Variants in TOP1MT observed in about 807,000 individuals in gnomAD.
TOP1MT encodes the protein DNA topoisomerase I, mitochondrial.
In TOP1MT, 80 loss-of-function variants were observed where a neutral mutation model predicts 73.9. That is an observed-to-expected ratio of 1.08 (90% CI 0.90 to 1.30). TOP1MT has a LOEUF of 1.30. Ranked by LOEUF, TOP1MT falls within the 50% of genes most tolerant of loss-of-function variation. The probability of loss-of-function intolerance (pLI) is 0.00; values close to 1 mark genes in which losing one functional copy is unlikely to be tolerated. For synonymous variants in TOP1MT, 338 were observed against 326.4 expected (o/e 1.04, Z -0.38); for missense variants, 815 against 808.0 (o/e 1.01, Z -0.10).
At chr8:143,339,257 T>TCATTCAA (rs1586777983), upstream of TOP1MT, among the ~76,000 whole-genome samples, 3 of 152,318 alleles carry the variant, frequency 2.0e-5, no homozygotes, top group South Asian at 4.1e-4. Flanking sequence ...CAAAATACTG[T>TCATTCAA]CATTCAACAT....
At chr8:143,339,969 C>T (rs1461953437) in intron 2 of TOP1MT, among the ~76,000 whole-genome samples, 26 of 65,954 alleles carry the variant, frequency 3.9e-4, no homozygotes, top group Non-Finnish European at 6.2e-4. Flanking sequence ...AGCATTCCCC[C>T]GTCCCAGCAC....
At chr8:143,329,504 A>T (rs1366969502) in intron 2 of TOP1MT, 33 bp from the exon 3 acceptor site, 34 of 1,591,696 alleles carry the variant, frequency 2.1e-5, no homozygotes, top group Non-Finnish European at 2.6e-5. Context: ...CGTATGAGAG[A>T]GCGGCCAGAG....
chr8:143,328,167 T>C, intron 3 of TOP1MT: 1 of 442,530 alleles, frequency 2.3e-6, no homozygotes, highest in Non-Finnish European at 4.5e-6. Flanking sequence ...GATAATGGAC[T>C]TAAAACAGGA....
At chr8:143,330,847 C>G (rs1180633884) in intron 2 of TOP1MT, among the ~76,000 whole-genome samples, 1 of 150,048 alleles carries the variant, frequency 6.7e-6, no homozygotes, top group Non-Finnish European at 1.5e-5. Context: ...GAATCACAAG[C>G]TGGGGTCAAG....
intron 1 of TOP1MT, among the ~76,000 whole-genome samples, chr8:143,353,276 C>T (rs1322854635): frequency 1.3e-5 from 2 of 151,900 alleles, no homozygotes; most frequent in African/African-American, 2.4e-5. Context: ...ATTAGCTGGG[C>T]GTGGTGACGC....
At chr8:143,350,502 T>C (rs937214953) in intron 1 of TOP1MT, among the ~76,000 whole-genome samples, 1 of 152,194 alleles carries the variant, frequency 6.6e-6, no homozygotes, top group African/African-American at 2.4e-5. Flanking sequence ...TGGCTAATTT[T>C]TGTATTTTTA....
intron 8 of TOP1MT, 118 bp from the exon 9 acceptor site, chr8:143,318,204 G>T: frequency 1.2e-6 from 1 of 834,008 alleles, no homozygotes; most frequent in Non-Finnish European, 2.0e-6. Flanking sequence ...AAGGTGGCCC[G>T]AGCAGCATCA....
rs994350042 is a variant in TOP1MT, at chr8:143,316,105, T to G, written c.1352A>C (p.Lys451Thr). 1.2e-6 allele frequency: 2 copies of G among 1,614,148 alleles called. No homozygotes were observed. The highest frequency in any genetic ancestry group is 1.7e-6 in the Non-Finnish European group (2 of 1,179,986). Reference protein sequence around the residue: ...LTRAEDSIAAKILSYNRANRV... With the variant: ...LTRAEDSIAATILSYNRANRV... The stretch of plus-strand genomic sequence containing the variant: ...GTTGGCTCGGTTGTAGGATAAGATC[T>G]TAGCTGCTATGCTGTCCTCGGCTGA... The change falls in exon 11 of 14, where the codon AAG (lysine) becomes ACG (threonine). Residue 451 changes from lysine (K) to threonine (T), a missense_variant. Coordinates refer to ENST00000329245, the MANE Select transcript of TOP1MT (RefSeq NM_052963.3).
intron 2 of TOP1MT, among the ~76,000 whole-genome samples, chr8:143,330,863 G>A (rs944463247): frequency 4.7e-5 from 7 of 149,604 alleles, no homozygotes; most frequent in Non-Finnish European, 8.9e-5. Flanking sequence ...TCAAGTGACC[G>A]TTCTGTGATC....
intron 3 of TOP1MT, chr8:143,327,928 C>T (rs1218059160): frequency 3.0e-6 from 1 of 332,936 alleles, no homozygotes; most frequent in Non-Finnish European, 5.8e-6. Context: ...ACCAAGCTGA[C>T]CTCAATGGAA....
chr8:143,357,021 G>C (rs891098024), upstream of TOP1MT, among the ~76,000 whole-genome samples: 1 of 149,388 alleles, frequency 6.7e-6, no homozygotes, highest in African/African-American at 2.5e-5. Flanking sequence ...ATGAACCCGA[G>C]AGGCAGAGCT....
chr8:143,342,226 TCTATTATTATTATTATTA>T (rs1817109948), intron 2 of TOP1MT, among the ~76,000 whole-genome samples: 1 of 115,874 alleles, frequency 8.6e-6, no homozygotes, highest in Non-Finnish European at 1.7e-5. Context: ...AGAGTCTCGC[TCTATTATTATTATTATTA>T]GAGACAGAGT....
intron 3 of TOP1MT, chr8:143,327,862 C>T (rs1431585863): frequency 1.1e-5 from 4 of 354,592 alleles, no homozygotes; most frequent in East Asian, 1.7e-4. Flanking sequence ...ATGCAACACA[C>T]GAGCCTCGGC....
upstream of TOP1MT, among the ~76,000 whole-genome samples, chr8:143,357,760 A>T (rs1292145840): frequency 6.6e-6 from 1 of 152,134 alleles, no homozygotes; most frequent in African/African-American, 2.4e-5. Context: ...CGTATCTACT[A>T]AAAATACAAA....
Position 143,316,063 on chromosome 8 carries a change from A to C in TOP1MT, c.1394T>G (p.Leu465Arg), listed in dbSNP as rs1816152566. 1.2e-6 allele frequency: 2 copies of C among 1,614,130 alleles called. No individual in the cohort carries two copies. The highest frequency in any genetic ancestry group is 1.7e-6 in the Non-Finnish European group (2 of 1,179,984). ...YNRANRVVAI[L>R]CNHQRATPST... Reference sequence around the variant, plus strand: ...GGGGGTTGCTCGCTGATGGTTGCAGAGAATGGCCACGACTCGGTTGGCTCG... The same window carrying C: ...GGGGGTTGCTCGCTGATGGTTGCAGCGAATGGCCACGACTCGGTTGGCTCG... Residue 465 changes from leucine (L) to arginine (R), a missense_variant, in exon 11 of 14, where the codon CTC (leucine) becomes CGC (arginine). Physicochemically the swap from Leu to Arg is moderately radical, Grantham distance 102. Coordinates refer to ENST00000329245, the MANE Select transcript of TOP1MT (RefSeq NM_052963.3).
At position 143,310,063 on chromosome 8, in the gene TOP1MT, C is replaced by G; in HGVS notation, c.1703+5G>C. ...GGTGGGAACTGAGACCCCAGGCACA[C>G]GCACCAGGCAATGCTGATCCTGGGG... On this transcript the variant is annotated splice_donor_5th_base_variant and intron_variant, in intron 13 of 13. Transcript: ENST00000329245. 6.2e-7 allele frequency: 1 copy of G among 1,611,508 alleles called. No individual in the cohort carries two copies. Among genetic ancestry groups the G allele is most frequent in the Non-Finnish European group, 8.5e-7 (1 of 1,179,852 alleles).
At chr8:143,315,208 G>A (rs545007325) in intron 12 of TOP1MT, among the ~76,000 whole-genome samples, 41 of 152,104 alleles carry the variant, frequency 2.7e-4, no homozygotes, top group African/African-American at 4.6e-4. Flanking sequence ...AGGCCTAACC[G>A]TCTCCCTGTG....
intron 2 of TOP1MT, among the ~76,000 whole-genome samples, chr8:143,342,238 A>G (rs1039176499): frequency 1.5e-5 from 2 of 134,952 alleles, no homozygotes; most frequent in Admixed American, 7.0e-5. Flanking sequence ...TATTATTATT[A>G]TTATTAGAGA....
chr8:143,327,560 C>T (rs1385615410), intron 3 of TOP1MT: 1 of 181,966 alleles, frequency 5.5e-6, no homozygotes, highest in Non-Finnish European at 1.2e-5. Flanking sequence ...TGCTCGGCCA[C>T]AACCACGGGC....
Sources: gnomAD v4.1 joint callset for allele counts (sites outside exome capture counted in the v4.1 genomes callset) on GRCh38, gnomAD v4.1.1 for gene constraint, MANE v1.5 for transcripts, NCBI Gene and HGNC (gene_info 2026-07-23, HGNC 2026-07-21) for gene names.